SLC2A13: variants seen among roughly 807,000 people sequenced by gnomAD.
SLC2A13 encodes proton myo-inositol cotransporter.
Under a neutral mutation model 64.4 loss-of-function variants are expected in SLC2A13, and 32 were observed. That is an observed-to-expected ratio of 0.50 (90% CI 0.37 to 0.67). The LOEUF is 0.67. SLC2A13 is among the 30% of genes least tolerant of loss of function. The pLI is 0.00. For synonymous variants in SLC2A13, 338 were observed against 327.1 expected (o/e 1.03, Z -0.36); for missense variants, 743 against 829.2 (o/e 0.90, Z 1.28).
intron 4 of SLC2A13, among the ~76,000 whole-genome samples, chr12:39,908,527 T>C (rs1019235701): frequency 1.3e-5 from 2 of 151,376 alleles, no homozygotes; most frequent in Non-Finnish European, 2.9e-5. Flanking sequence ...TAGATTGTGT[T>C]AGTAGAGAAG....
At chr12:39,854,063 C>A (rs1943539646) in intron 6 of SLC2A13, among the ~76,000 whole-genome samples, 1 of 151,442 alleles carries the variant, frequency 6.6e-6, no homozygotes, top group African/African-American at 2.4e-5. Context: ...TTAGCATTTC[C>A]TACAATATTC....
At chr12:40,024,965 G>A (rs1437812829) in intron 3 of SLC2A13, among the ~76,000 whole-genome samples, 2 of 152,130 alleles carry the variant, frequency 1.3e-5, no homozygotes, top group East Asian at 1.9e-4. Context: ...CCACTCCAGC[G>A]AGCTCTCCAA....
chr12:39,877,612 T>A (rs1944221495), intron 4 of SLC2A13, among the ~76,000 whole-genome samples: 1 of 152,170 alleles, frequency 6.6e-6, no homozygotes, highest in Admixed American at 6.5e-5. Context: ...TAGATCAGAA[T>A]AATCCACAAA....
intron 3 of SLC2A13, among the ~76,000 whole-genome samples, chr12:40,005,215 G>A (rs1406818255): frequency 6.6e-6 from 1 of 152,178 alleles, no homozygotes; most frequent in African/African-American, 2.4e-5. Flanking sequence ...GGGGCCTGTA[G>A]CTACAGTATG....
At chr12:39,795,243 G>T in intron 7 of SLC2A13, among the ~76,000 whole-genome samples, 1 of 150,698 alleles carries the variant, frequency 6.6e-6, no homozygotes, top group African/African-American at 2.4e-5. Context: ...GTTTCTTTGA[G>T]TTTCATTCAG....
chr12:40,104,865 G>A (rs1330295976), intron 1 of SLC2A13, among the ~76,000 whole-genome samples: 3 of 152,212 alleles, frequency 2.0e-5, no homozygotes, highest in African/African-American at 7.2e-5. Context: ...GGCAAGGTGG[G>A]ACAGTGCAGG....
chr12:39,807,218 A>G (rs1174517288), intron 7 of SLC2A13, among the ~76,000 whole-genome samples: 1 of 152,150 alleles, frequency 6.6e-6, no homozygotes, highest in Non-Finnish European at 1.5e-5. Context: ...GGATGTGGGG[A>G]GTGGAGTGTG....
intron 6 of SLC2A13, among the ~76,000 whole-genome samples, chr12:39,847,454 G>A (rs1052756568): frequency 6.6e-6 from 1 of 152,096 alleles, no homozygotes; most frequent in African/African-American, 2.4e-5. Context: ...GTATTGCATG[G>A]GATTTCAGGA....
At chr12:39,776,325 GT>G (rs1316901858) in intron 7 of SLC2A13, among the ~76,000 whole-genome samples, 2 of 152,200 alleles carry the variant, frequency 1.3e-5, no homozygotes, top group East Asian at 3.9e-4. Flanking sequence ...CAGCTGAGTG[GT>G]CCCCCTCGCC....
At chr12:40,039,020 C>A (rs185734788) in intron 2 of SLC2A13, among the ~76,000 whole-genome samples, 1 of 152,120 alleles carries the variant, frequency 6.6e-6, no homozygotes, top group East Asian at 1.9e-4. Flanking sequence ...CCATTTTGTC[C>A]ACTTTTAAGT....
rs201429689 is a variant in SLC2A13, at chr12:40,035,687, C to T, written c.717-7178G>A. Among the ~76,000 whole-genome samples, 12 of 152,316 alleles carry T rather than the reference C, an allele frequency of 7.9e-5. No individual in the cohort carries two copies. The East Asian group carries it at 9.6e-4, about 12-fold the overall frequency. ...TACCTCGAGAAAGATTCTGTATACA[C>T]TGTAAACAAACAAACCCTAATTGCC... is the stretch of plus-strand genomic sequence containing the variant. On this transcript the variant is annotated intron_variant, in intron 2 of 9. Coordinates refer to ENST00000280871, the MANE Select transcript of SLC2A13 (RefSeq NM_052885.4).
intron 3 of SLC2A13, among the ~76,000 whole-genome samples, chr12:39,996,798 A>T (rs1043147223): frequency 2.0e-5 from 3 of 152,208 alleles, no homozygotes; most frequent in African/African-American, 7.2e-5. Context: ...GCTGCAAAAA[A>T]ATTAAAATAC....
chr12:40,037,688 A>G (rs1336112988), intron 2 of SLC2A13, among the ~76,000 whole-genome samples: 1 of 151,584 alleles, frequency 6.6e-6, no homozygotes, highest in African/African-American at 2.4e-5. Flanking sequence ...CAGGTAACTT[A>G]TTAATAATGA....
At chr12:39,952,732 A>G (rs1946251870) in intron 3 of SLC2A13, among the ~76,000 whole-genome samples, 1 of 152,208 alleles carries the variant, frequency 6.6e-6, no homozygotes, top group South Asian at 2.1e-4. Context: ...TGAGGGTATT[A>G]TAAATGTCAA....
chr12:39,880,551 T>C (rs139478831), intron 4 of SLC2A13, among the ~76,000 whole-genome samples: 194 of 152,268 alleles, frequency 1.3e-3, no homozygotes, highest in African/African-American at 4.4e-3. Flanking sequence ...CAAGCAATGA[T>C]ACAAAAATCA....
At chr12:39,985,555 T>A (rs1241044548) in intron 3 of SLC2A13, among the ~76,000 whole-genome samples, 1 of 152,060 alleles carries the variant, frequency 6.6e-6, no homozygotes, top group African/African-American at 2.4e-5. Context: ...AGTTAGGAAT[T>A]CAGTGCATAG....
At chr12:40,001,263 A>G (rs1034397788) in intron 3 of SLC2A13, among the ~76,000 whole-genome samples, 9 of 152,366 alleles carry the variant, frequency 5.9e-5, no homozygotes, top group Admixed American at 1.3e-4. Flanking sequence ...AGAGGGGAAC[A>G]CAAATAACAA....
intron 4 of SLC2A13, among the ~76,000 whole-genome samples, chr12:39,896,529 CATGT>C (rs201668365): frequency 0.011 from 1,583 of 140,240 alleles, 42 homozygotes; most frequent in African/African-American, 0.03. Context: ...TACATGTATA[CATGT>C]ATGTATGTAT....
chr12:39,776,585 T>G (rs1432291219), intron 7 of SLC2A13, among the ~76,000 whole-genome samples: 1 of 152,192 alleles, frequency 6.6e-6, no homozygotes, highest in African/African-American at 2.4e-5. Context: ...GAGGCCATAC[T>G]GCAATAGAAG....
Sources: allele counts gnomAD v4.1 joint callset (sites outside exome capture counted in the v4.1 genomes callset), GRCh38; gene constraint gnomAD v4.1.1; transcripts MANE v1.5; gene names NCBI Gene and HGNC (gene_info 2026-07-23, HGNC 2026-07-21).